Variants in OR51C1 observed in about 807,000 individuals in gnomAD.
The protein encoded by OR51C1 is olfactory receptor family 51 subfamily C member 1.
the OR51C1 span, among the ~76,000 whole-genome samples, chr11:4,692,918 A>C: frequency 4.6e-5 from 7 of 152,290 alleles, no homozygotes; most frequent in East Asian, 1.4e-3. Flanking sequence ...GAAAAACAAG[A>C]AATTATAGAT....
chr11:4,692,032 G>C, the OR51C1 span: 2 of 346,264 alleles, frequency 5.8e-6, no homozygotes, highest in African/African-American at 4.3e-5. Flanking sequence ...TTTACCCTGA[G>C]TTTGCCAATC....
chr11:4,694,633 T>A, the OR51C1 span, among the ~76,000 whole-genome samples: 3 of 150,370 alleles, frequency 2.0e-5, no homozygotes, highest in Non-Finnish European at 3.0e-5. Context: ...GTGTCAAGAG[T>A]CTAGGGACTC....
chr11:4,691,327 C>G, the OR51C1 span: 1 of 457,568 alleles, frequency 2.2e-6, no homozygotes, highest in Non-Finnish European at 4.4e-6. Flanking sequence ...GAGACGGCCA[C>G]AAAACGATCA....
At chr11:4,695,102 G>A in the OR51C1 span, among the ~76,000 whole-genome samples, 2 of 152,184 alleles carry the variant, frequency 1.3e-5, no homozygotes, top group East Asian at 3.9e-4. Context: ...GAAAGCACCA[G>A]AGGTCAAATC....
the OR51C1 span, among the ~76,000 whole-genome samples, chr11:4,692,654 G>A: frequency 3.9e-5 from 6 of 152,248 alleles, no homozygotes; most frequent in Non-Finnish European, 7.4e-5. Flanking sequence ...ACAGAGATTA[G>A]GGTTGTGGCT....
At chr11:4,690,562 G>A in the OR51C1 span, 1 of 254,772 alleles carries the variant, frequency 3.9e-6, no homozygotes. Flanking sequence ...TCCATCCCAT[G>A]TCTTCACCTC....
the OR51C1 span, among the ~76,000 whole-genome samples, chr11:4,696,321 C>T: frequency 9.9e-5 from 15 of 152,106 alleles, no homozygotes; most frequent in Middle Eastern, 3.2e-3. Flanking sequence ...ACATCGAACT[C>T]TAGTAAATCA....
the OR51C1 span, among the ~76,000 whole-genome samples, chr11:4,695,487 C>T: frequency 7.2e-5 from 11 of 152,046 alleles, no homozygotes; most frequent in Admixed American, 6.6e-4. Flanking sequence ...AGACATAAGC[C>T]CTGTTTCTCT....
the OR51C1 span, chr11:4,691,638 A>G: frequency 2.3e-6 from 1 of 438,150 alleles, no homozygotes; most frequent in East Asian, 7.0e-5. Flanking sequence ...GAAGGCTTCC[A>G]GCCCAGGAAC....
At chr11:4,694,836 T>C in the OR51C1 span, among the ~76,000 whole-genome samples, 58,018 of 151,716 alleles carry the variant, frequency 0.38, 11,438 homozygotes, top group South Asian at 0.44. Context: ...CATGAATGTG[T>C]CTGTGTGTGT....
the OR51C1 span, among the ~76,000 whole-genome samples, chr11:4,692,946 T>C: frequency 6.6e-6 from 1 of 151,988 alleles, no homozygotes; most frequent in Admixed American, 6.5e-5. Context: ...TTTGGCCAAA[T>C]AATGAAACTA....
At chr11:4,693,570 A>G in the OR51C1 span, among the ~76,000 whole-genome samples, 1 of 152,086 alleles carries the variant, frequency 6.6e-6, no homozygotes, top group Non-Finnish European at 1.5e-5. Flanking sequence ...AAATACAAAA[A>G]ATTAGCCGGG....
the OR51C1 span, among the ~76,000 whole-genome samples, chr11:4,692,421 T>C: frequency 0.11 from 17,497 of 152,278 alleles, 1,405 homozygotes; most frequent in East Asian, 0.34. Flanking sequence ...TCCAACACAG[T>C]TCTCTCTTCA....
At chr11:4,691,146 A>C in the OR51C1 span, 1 of 456,694 alleles carries the variant, frequency 2.2e-6, no homozygotes, top group Non-Finnish European at 4.4e-6. Flanking sequence ...GAGCTTCATC[A>C]CATCAGGGTG....
chr11:4,697,568 T>C, the OR51C1 span: 42 of 152,772 alleles, frequency 2.7e-4, no homozygotes, highest in African/African-American at 8.4e-4. Context: ...ATTCTGCACA[T>C]TGTGAGGAAA....
the OR51C1 span, chr11:4,691,349 C>A: frequency 2.2e-6 from 1 of 457,752 alleles, no homozygotes; most frequent in Admixed American, 2.3e-5. Context: ...AAGCCATGGC[C>A]AACAGCACTG....
At chr11:4,692,031 A>G in the OR51C1 span, 1 of 346,762 alleles carries the variant, frequency 2.9e-6, no homozygotes, top group South Asian at 2.4e-5. Context: ...CTTTACCCTG[A>G]GTTTGCCAAT....
the OR51C1 span, chr11:4,692,091 A>C: frequency 2.3e-6 from 1 of 428,428 alleles, no homozygotes; most frequent in South Asian, 1.7e-5. Context: ...GAGGTAGTGC[A>C]TTATTTTTCC....
At chr11:4,691,421 G>T in the OR51C1 span, 1 of 457,642 alleles carries the variant, frequency 2.2e-6, no homozygotes, top group African/African-American at 2.0e-5. Flanking sequence ...CATTAAAGCT[G>T]ATTTCCCTCA....
Sources: allele counts gnomAD v4.1 joint callset (sites outside exome capture counted in the v4.1 genomes callset), GRCh38; gene constraint gnomAD v4.1.1; transcripts MANE v1.5; gene names NCBI Gene and HGNC (gene_info 2026-07-23, HGNC 2026-07-21).